Variants in ABLIM1 observed in about 807,000 individuals in gnomAD.
The protein encoded by ABLIM1 is actin binding LIM protein 1, also known as actin-binding LIM protein 1.
Under a neutral mutation model 107.0 loss-of-function variants are expected in ABLIM1, and 40 were observed. That is an observed-to-expected ratio of 0.37 (90% CI 0.29 to 0.49). The LOEUF (loss-of-function observed/expected upper bound fraction) is 0.49, where lower values mean the gene tolerates loss of function less well. Ranked by LOEUF, ABLIM1 falls within the 20% of genes least tolerant of loss-of-function variation. ABLIM1 has a pLI of 0.97. For synonymous variants in ABLIM1, 357 were observed against 357.3 expected (o/e 1.00, Z 0.01); for missense variants, 857 against 1,008.5 (o/e 0.85, Z 2.04).
At chr10:114,752,441 T>G (rs573596617) in intron 1 of ABLIM1, among the ~76,000 whole-genome samples, 1 of 152,366 alleles carries the variant, frequency 6.6e-6, no homozygotes, top group Non-Finnish European at 1.5e-5. Flanking sequence ...ATTTTTATTT[T>G]TATTTTAAGT....
At position 114,492,143 on chromosome 10, in the gene ABLIM1, G is replaced by C. The variant is rs375598754; in HGVS notation, c.895-265C>G. Among the ~76,000 whole-genome samples, 12 of 151,904 alleles carry C rather than the reference G, an allele frequency of 7.9e-5. No individual in the cohort carries two copies. In the East Asian group the frequency reaches 2.1e-3, roughly 27 times the overall value. ...TTTCTGGCTTCTATGTCTCCCTCTT[G>C]ACCTGGATGGCTGCCACTAACACAC... On this transcript the variant is annotated intron_variant, in intron 6 of 22. Coordinates refer to ENST00000533213, the MANE Select transcript of ABLIM1 (RefSeq NM_002313.7).
At chr10:114,572,152 C>T (rs1187324201) in intron 3 of ABLIM1, among the ~76,000 whole-genome samples, 1 of 152,188 alleles carries the variant, frequency 6.6e-6, no homozygotes, top group Non-Finnish European at 1.5e-5. Flanking sequence ...CATTAATGAA[C>T]AGACATATGA....
intron 10 of ABLIM1, among the ~76,000 whole-genome samples, chr10:114,469,102 A>G (rs1261757596): frequency 6.6e-6 from 1 of 151,718 alleles, no homozygotes; most frequent in Non-Finnish European, 1.5e-5. Flanking sequence ...ATTGTGATAC[A>G]TACTTAGGTG....
chr10:114,554,275 C>T (rs2068447529), intron 4 of ABLIM1, among the ~76,000 whole-genome samples: 1 of 152,154 alleles, frequency 6.6e-6, no homozygotes, highest in South Asian at 2.1e-4. Flanking sequence ...AGCCTCATTG[C>T]CGGTCTCCAA....
chr10:114,733,296 CT>C (rs1289426143), intron 1 of ABLIM1, among the ~76,000 whole-genome samples: 1 of 152,158 alleles, frequency 6.6e-6, no homozygotes, highest in African/African-American at 2.4e-5. Context: ...AAAACAGCAA[CT>C]ATTCTGAATC....
chr10:114,795,709 CA>C, the ABLIM1 span, among the ~76,000 whole-genome samples: 1,256 of 108,994 alleles, frequency 0.012, 6 homozygotes, highest in Middle Eastern at 0.022. Context: ...GACTCCATCT[CA>C]AAAAAAAAAA....
intron 2 of ABLIM1, among the ~76,000 whole-genome samples, chr10:114,594,423 T>C (rs1411019523): frequency 6.6e-6 from 1 of 152,182 alleles, no homozygotes; most frequent in Non-Finnish European, 1.5e-5. Context: ...AGTAAAGCAA[T>C]TGATAAATCT....
intron 1 of ABLIM1, among the ~76,000 whole-genome samples, chr10:114,622,674 G>A (rs1432472900): frequency 2.0e-5 from 3 of 152,000 alleles, no homozygotes; most frequent in Middle Eastern, 3.2e-3. Flanking sequence ...TGAACAACAC[G>A]GGTTTGAACT....
chr10:114,759,389 C>G (rs1287387189), intron 1 of ABLIM1, among the ~76,000 whole-genome samples: 1 of 152,134 alleles, frequency 6.6e-6, no homozygotes, highest in African/African-American at 2.4e-5. Context: ...AAAATAGAGC[C>G]TTTCCCATGA....
At chr10:114,684,376 CT>C (rs2080875884) in exon 1 of ABLIM1, 1 of 1,613,730 alleles carries the variant, frequency 6.2e-7, no homozygotes, top group Non-Finnish European at 8.5e-7. Flanking sequence ...AGGGTTTCAG[CT>C]TTTCTTCACT....
At chr10:114,467,908 T>C (rs1029209340) in intron 11 of ABLIM1, among the ~76,000 whole-genome samples, 2 of 152,346 alleles carry the variant, frequency 1.3e-5, no homozygotes, top group African/African-American at 2.4e-5. Context: ...AAGTGACTTA[T>C]GTTCCTGCAG....
chr10:114,795,565 C>A, the ABLIM1 span, among the ~76,000 whole-genome samples: 1 of 152,034 alleles, frequency 6.6e-6, no homozygotes, highest in Non-Finnish European at 1.5e-5. Context: ...AAAAACTAGC[C>A]AGGCGTGGTG....
chr10:114,594,809 ATTG>A (rs1377060814), intron 2 of ABLIM1, among the ~76,000 whole-genome samples: 1 of 152,288 alleles, frequency 6.6e-6, no homozygotes, highest in East Asian at 1.9e-4. Flanking sequence ...ACATATGGTT[ATTG>A]TTCATTCATT....
chr10:114,481,609 G>GA (rs2057384856), intron 8 of ABLIM1, among the ~76,000 whole-genome samples: 1 of 152,110 alleles, frequency 6.6e-6, no homozygotes, highest in African/African-American at 2.4e-5. Flanking sequence ...AACTCCTTTG[G>GA]AAAAAAGAAT....
upstream of ABLIM1, among the ~76,000 whole-genome samples, chr10:114,769,352 G>C (rs1566323671): frequency 7.0e-6 from 1 of 143,106 alleles, no homozygotes; most frequent in East Asian, 2.1e-4. Context: ...AGATAAGAAA[G>C]AAAGAAAAAG....
At chr10:114,795,936 T>C in the ABLIM1 span, among the ~76,000 whole-genome samples, 2 of 152,172 alleles carry the variant, frequency 1.3e-5, no homozygotes, top group Non-Finnish European at 2.9e-5. Context: ...ATTTTGCCTA[T>C]AAAAAAGCCA....
intron 4 of ABLIM1, among the ~76,000 whole-genome samples, chr10:114,550,617 G>A (rs1308788263): frequency 1.3e-5 from 2 of 152,122 alleles, no homozygotes; most frequent in Admixed American, 6.5e-5. Flanking sequence ...GACATTCTGA[G>A]TTTGGACAAA....
rs192784204 is a variant in ABLIM1, at chr10:114,539,196, A to G, written c.894+5809T>C. On this transcript the variant is annotated intron_variant, in intron 6 of 22. Coordinates refer to ENST00000533213, the MANE Select transcript of ABLIM1 (RefSeq NM_002313.7). ...AACGTGGTGAAACCCCATCTCTACT[A>G]AAAATACAAAAATTAACTGGGCATG... is the stretch of plus-strand genomic sequence containing the variant. Among the ~76,000 whole-genome samples the G allele has an allele frequency of 4.1e-3, 631 of 152,306 alleles. 2 individuals are homozygous for G. Among genetic ancestry groups the G allele is most frequent in the African/African-American group, 0.014 (599 of 41,552 alleles).
At chr10:114,573,532 C>G (rs760187970) in intron 3 of ABLIM1, among the ~76,000 whole-genome samples, 3 of 152,200 alleles carry the variant, frequency 2.0e-5, no homozygotes, top group Non-Finnish European at 2.9e-5. Context: ...GGGTCAGGAT[C>G]AGAAGGGCTC....
Sources: allele counts gnomAD v4.1 joint callset (sites outside exome capture counted in the v4.1 genomes callset), GRCh38; gene constraint gnomAD v4.1.1; transcripts MANE v1.5; gene names NCBI Gene and HGNC (gene_info 2026-07-23, HGNC 2026-07-21).